Variants in BCAR3 observed in about 807,000 individuals in gnomAD.
BCAR3 encodes BCAR3 adaptor protein, NSP family member, also known as breast cancer anti-estrogen resistance protein 3.
A neutral mutation model predicts 80.1 loss-of-function variants in BCAR3; 37 were observed. The ratio of observed to expected loss-of-function variants is 0.46; its 90% CI spans 0.36 to 0.61. The LOEUF is 0.61. BCAR3 is among the 20% of genes least tolerant of loss of function. The pLI is 0.00. For synonymous variants in BCAR3, 389 were observed against 418.9 expected (o/e 0.93, Z 0.87); for missense variants, 978 against 1,068.2 (o/e 0.92, Z 1.18).
intron 2 of BCAR3, among the ~76,000 whole-genome samples, chr1:93,742,264 C>T (rs921663783): frequency 1.3e-5 from 2 of 152,190 alleles, no homozygotes; most frequent in Non-Finnish European, 2.9e-5. Context: ...GATTATGCCT[C>T]CTGCTATAAT....
chr1:93,786,102 A>G (rs1342566020), intron 2 of BCAR3, among the ~76,000 whole-genome samples: 1 of 133,214 alleles, frequency 7.5e-6, no homozygotes, highest in Non-Finnish European at 1.5e-5. Context: ...CTGAGGCAGG[A>G]GAATGGCGTG....
At chr1:93,780,406 T>G (rs1196373063) in intron 2 of BCAR3, among the ~76,000 whole-genome samples, 1 of 152,198 alleles carries the variant, frequency 6.6e-6, no homozygotes, top group African/African-American at 2.4e-5. Context: ...ACTGGGCTGA[T>G]GATTCTCTTA....
intron 2 of BCAR3, among the ~76,000 whole-genome samples, chr1:93,764,252 C>T (rs1374016936): frequency 6.6e-6 from 1 of 152,042 alleles, no homozygotes; most frequent in Non-Finnish European, 1.5e-5. Flanking sequence ...TTCCAGGGGG[C>T]CCATCTCTTC....
chr1:93,718,645 A>C (rs922526749), intron 2 of BCAR3, among the ~76,000 whole-genome samples: 2 of 151,520 alleles, frequency 1.3e-5, no homozygotes, highest in African/African-American at 4.9e-5. Flanking sequence ...CCATAAAGTA[A>C]ATGCTGTCTA....
chr1:93,729,547 C>A (rs1396950082), intron 2 of BCAR3, among the ~76,000 whole-genome samples: 3 of 152,136 alleles, frequency 2.0e-5, no homozygotes, highest in Non-Finnish European at 4.4e-5. Flanking sequence ...TAGCACTGGG[C>A]AGAGGGGAAG....
rs180825460 is a variant in BCAR3, at chr1:93,642,559, C to A, written c.318-216G>T. Among the ~76,000 whole-genome samples, 122 of 152,274 alleles carry A rather than the reference C, an allele frequency of 8.0e-4. 1 individual carries two copies. The highest frequency in any genetic ancestry group is 6.8e-4 in the Non-Finnish European group (46 of 68,038). On this transcript the variant is annotated intron_variant, in intron 2 of 11. Transcript: ENST00000260502. ...CACATGCTTTCCTGTCAAATTCAGG[C>A]CCCAGAATGTTAGAGTATTTACATG...
chr1:93,582,281 C>T lies in BCAR3; in HGVS notation c.1686+20G>A. 6.2e-7 allele frequency: 1 copy of T among 1,601,724 alleles called. No homozygotes were observed. Among genetic ancestry groups the T allele is most frequent in the African/African-American group, 1.3e-5 (1 of 74,682 alleles). The stretch of plus-strand genomic sequence containing the variant: ...CAAACCTTGAAAAGCCAGAGGAGCA[C>T]CAGGACCCCCAGCGCTTACCCTGCA... On this transcript the variant is annotated intron_variant, in intron 7 of 11. Coordinates refer to ENST00000260502, the MANE Select transcript of BCAR3 (RefSeq NM_003567.4).
At chr1:93,575,931 G>C in intron 8 of BCAR3, 83 bp downstream of exon 8, 2 of 1,193,322 alleles carry the variant, frequency 1.7e-6, no homozygotes, top group Non-Finnish European at 2.5e-6. Context: ...CTGGTGCTGC[G>C]CCTCTCTTTG....
chr1:93,731,825 T>C (rs1650803478), intron 2 of BCAR3, among the ~76,000 whole-genome samples: 1 of 151,514 alleles, frequency 6.6e-6, no homozygotes, highest in Non-Finnish European at 1.5e-5. Flanking sequence ...GCCTGGGGAG[T>C]AGGGAGTGGG....
intron 3 of BCAR3, chr1:93,613,984 G>A (rs1675030220): frequency 3.9e-6 from 6 of 1,547,186 alleles, no homozygotes; most frequent in Non-Finnish European, 5.2e-6. Context: ...TAAAAGAAAG[G>A]GGGCTTCGGA....
chr1:93,746,755 A>G (rs1651372516), intron 2 of BCAR3, among the ~76,000 whole-genome samples: 1 of 152,112 alleles, frequency 6.6e-6, no homozygotes, highest in African/African-American at 2.4e-5. Flanking sequence ...TGTCTTCACT[A>G]ACACAACTCC....
chr1:93,715,669 A>C (rs1179769342), intron 2 of BCAR3, among the ~76,000 whole-genome samples: 1 of 152,188 alleles, frequency 6.6e-6, no homozygotes, highest in Non-Finnish European at 1.5e-5. Flanking sequence ...ACTTGACTTG[A>C]TTTAAATAAA....
intron 9 of BCAR3, chr1:93,568,165 G>GCA: frequency 1.7e-5 from 3 of 180,602 alleles, no homozygotes; most frequent in Non-Finnish European, 3.5e-5. Flanking sequence ...CAGCCTGGTT[G>GCA]ACAGAGTGAG....
chr1:93,600,923 G>T (rs1290961330), intron 3 of BCAR3, among the ~76,000 whole-genome samples: 1 of 152,178 alleles, frequency 6.6e-6, no homozygotes, highest in Admixed American at 6.5e-5. Context: ...GTGCCCAGTA[G>T]ACAGTGACTG....
chr1:93,579,827 C>G (rs761421248), intron 7 of BCAR3, among the ~76,000 whole-genome samples: 2 of 152,256 alleles, frequency 1.3e-5, no homozygotes, highest in African/African-American at 4.8e-5. Flanking sequence ...TCCTGGCCCA[C>G]TGACATGGTT....
At chr1:93,704,121 A>G (rs1649747005) in intron 3 of BCAR3, among the ~76,000 whole-genome samples, 1 of 152,170 alleles carries the variant, frequency 6.6e-6, no homozygotes, top group Non-Finnish European at 1.5e-5. Context: ...CTTAGGACTG[A>G]TTTGGAATAG....
At chr1:93,615,588 G>C (rs967691559) in intron 3 of BCAR3, among the ~76,000 whole-genome samples, 3 of 152,192 alleles carry the variant, frequency 2.0e-5, no homozygotes, top group Non-Finnish European at 4.4e-5. Flanking sequence ...GCAGAACTCA[G>C]AAGGGTTTTC....
chr1:93,756,085 G>A (rs748610641), intron 2 of BCAR3, among the ~76,000 whole-genome samples: 7 of 152,210 alleles, frequency 4.6e-5, no homozygotes, highest in Non-Finnish European at 1.0e-4. Context: ...GTGAATTGTG[G>A]AGAACTGCCA....
At chr1:93,652,239 TCTG>T (rs1435033166) in intron 2 of BCAR3, among the ~76,000 whole-genome samples, 1 of 152,208 alleles carries the variant, frequency 6.6e-6, no homozygotes, top group Non-Finnish European at 1.5e-5. Flanking sequence ...GGGTCCTGGA[TCTG>T]CTTATTCTCC....
Sources: gnomAD v4.1 joint callset for allele counts (sites outside exome capture counted in the v4.1 genomes callset) on GRCh38, gnomAD v4.1.1 for gene constraint, MANE v1.5 for transcripts, NCBI Gene and HGNC (gene_info 2026-07-23, HGNC 2026-07-21) for gene names.